The following CACNA1H variants were observed in gnomAD, a reference collection of about 807,000 sequenced individuals.
CACNA1H encodes calcium voltage-gated channel subunit alpha1 H, also known as voltage-dependent T-type calcium channel subunit alpha-1H.
In CACNA1H, 149 loss-of-function variants were observed where a neutral mutation model predicts 192.5. That is an observed-to-expected ratio of 0.77 (90% CI 0.68 to 0.89). The LOEUF (loss-of-function observed/expected upper bound fraction) is 0.89, where lower values mean the gene tolerates loss of function less well. Ranked by LOEUF, CACNA1H falls within the 40% of genes least tolerant of loss-of-function variation. CACNA1H has a pLI of 0.00. For missense variants in CACNA1H, 4,257 were observed against 3,423.5 expected (o/e 1.24, Z -6.08); for synonymous variants, 2,202 against 1,475.2 (o/e 1.49, Z -11.29).
At chr16:1,206,909 T>TG in intron 12 of CACNA1H, 92 bp from the exon 13 acceptor site, 2 of 116,612 alleles carry the variant, frequency 1.7e-5, no homozygotes, top group Non-Finnish European at 3.3e-5. Context: ...GTCCTGCCCC[T>TG]CCCTCCTCCC....
chr16:1,218,631 A>G lies in CACNA1H; in HGVS notation c.5867A>G (p.Tyr1956Cys). Residue 1956 changes from tyrosine (Y) to cysteine (C), a missense_variant, in exon 33 of 35, where the codon TAT becomes TGT. Physicochemically the swap from Tyr to Cys is radical, Grantham distance 194. Transcript: ENST00000348261. ...CTGCAGGAGGTGGAGATGGAGACCT[A>G]TGGGGCCGGCACCCCCTTGGGTATG... ...RPLQEVEMET[Y>C]GAGTPLGSVA... 1 of 1,531,772 alleles carries G rather than the reference A, an allele frequency of 6.5e-7. No homozygotes were observed. Among genetic ancestry groups the G allele is most frequent in the Non-Finnish European group, 8.8e-7 (1 of 1,134,706 alleles). The allele number at this position is 1,531,772 out of a possible 1,614,324, so 94.9% of individuals were successfully genotyped here. A position where few individuals can be genotyped will look rare whatever the true frequency, so the allele number is the denominator to read the frequency against.
At chr16:1,168,172 G>C (rs1193952350) in intron 2 of CACNA1H, among the ~76,000 whole-genome samples, 1 of 151,538 alleles carries the variant, frequency 6.6e-6, no homozygotes, top group South Asian at 2.1e-4. Context: ...GCCCCCTCCA[G>C]TTGGGGCGGT....
At chr16:1,173,354 C>T (rs1363525764) in intron 2 of CACNA1H, among the ~76,000 whole-genome samples, 1 of 152,150 alleles carries the variant, frequency 6.6e-6, no homozygotes, top group Non-Finnish European at 1.5e-5. Context: ...TGGGATGAGG[C>T]GTGCTCCCCC....
intron 2 of CACNA1H, among the ~76,000 whole-genome samples, chr16:1,177,419 C>A (rs558962698): frequency 6.6e-6 from 1 of 152,354 alleles, no homozygotes; most frequent in East Asian, 1.9e-4. Context: ...CCGAGGCCCA[C>A]CCTGCCGTCG....
intron 2 of CACNA1H, among the ~76,000 whole-genome samples, chr16:1,158,857 A>C: frequency 6.9e-6 from 1 of 145,918 alleles, no homozygotes; most frequent in African/African-American, 2.7e-5. Flanking sequence ...GGCCCCGCTC[A>C]GCCCGCACCC....
rs1317344501 is a variant in CACNA1H, at chr16:1,218,636, G to A, written c.5872G>A (p.Ala1958Thr). ...LQEVEMETYG[A>T]GTPLGSVASV... ...GGAGGTGGAGATGGAGACCTATGGG[G>A]CCGGCACCCCCTTGGGTATGGTAGC... Residue 1958 changes from alanine to threonine, a missense_variant, in exon 33 of 35, where the codon GCC becomes ACC. Ala to Thr is a moderately conservative substitution (Grantham distance 58). Transcript: ENST00000348261. 1 of 1,550,910 alleles carries A rather than the reference G, an allele frequency of 6.4e-7. No homozygotes were observed. Among genetic ancestry groups the A allele is most frequent in the Non-Finnish European group, 8.7e-7 (1 of 1,146,066 alleles).
chr16:1,193,689 G>A (rs528507937), intron 2 of CACNA1H, among the ~76,000 whole-genome samples: 2 of 152,324 alleles, frequency 1.3e-5, no homozygotes, highest in South Asian at 2.1e-4. Context: ...TGTAATTACC[G>A]CACTCTTGGT....
rs1338001642 is a variant in CACNA1H at position 1,167,250 on chromosome 16, G to A, written c.299+13214G>A. On this transcript the variant is annotated intron_variant, in intron 2 of 34. Transcript: ENST00000348261. The surrounding 1 kb of genome is among the most constrained non-coding windows in gnomAD (Gnocchi z 4.2). ...GGGGCCTGTGGGGTATGGGCCTCCT[G>A]TCAGCAGCCCGTCCCGGTGGGTGGG... is the stretch of plus-strand genomic sequence containing the variant. Among the ~76,000 whole-genome samples, 1 of 152,188 alleles carries A rather than the reference G, an allele frequency of 6.6e-6. No individual in the cohort carries two copies. Among genetic ancestry groups the A allele is most frequent in the Non-Finnish European group, 1.5e-5 (1 of 68,032 alleles).
At chr16:1,214,398 C>T (rs552318888) in intron 27 of CACNA1H, among the ~76,000 whole-genome samples, 6 of 152,320 alleles carry the variant, frequency 3.9e-5, no homozygotes, top group South Asian at 2.1e-4. Flanking sequence ...CTATGGAAAG[C>T]GTTTTGTGTG....
At chr16:1,206,688 T>C (rs890161007) in intron 12 of CACNA1H, 1 of 455,534 alleles carries the variant, frequency 2.2e-6, no homozygotes, top group East Asian at 4.1e-5. Context: ...GCTTTCACAG[T>C]CCAGAGAGGC....
intron 2 of CACNA1H, among the ~76,000 whole-genome samples, chr16:1,186,748 G>C (rs78589597): frequency 7.2e-5 from 11 of 152,164 alleles, no homozygotes; most frequent in African/African-American, 2.7e-4. Context: ...CCTGGCCGGT[G>C]AATGTGCCAC....
At chr16:1,183,856 T>A (rs867612289) in intron 2 of CACNA1H, among the ~76,000 whole-genome samples, 4 of 152,240 alleles carry the variant, frequency 2.6e-5, no homozygotes, top group Non-Finnish European at 4.4e-5. Context: ...TCTGCAAACA[T>A]CTGGCTCCAG....
chr16:1,155,708 G>T (rs1962266762), intron 2 of CACNA1H, among the ~76,000 whole-genome samples: 1 of 152,212 alleles, frequency 6.6e-6, no homozygotes, highest in South Asian at 2.1e-4. Flanking sequence ...TCTCGGCTGA[G>T]AGAGTTTTGG....
intron 11 of CACNA1H, among the ~76,000 whole-genome samples, chr16:1,205,756 C>A (rs560864018): frequency 3.8e-4 from 58 of 152,294 alleles, no homozygotes; most frequent in Non-Finnish European, 7.2e-4. Flanking sequence ...GGTCTCCCAT[C>A]CTGGGGCGGG....
chr16:1,193,545 G>A (rs1361964130), intron 2 of CACNA1H, among the ~76,000 whole-genome samples: 2 of 152,268 alleles, frequency 1.3e-5, no homozygotes, highest in Non-Finnish European at 2.9e-5. Flanking sequence ...GCGGCAGTGC[G>A]TGCTGTGGCC....
At position 1,210,353 on chromosome 16, in the gene CACNA1H, CGCCCCCG is replaced by C; in HGVS notation, c.3846-16_3846-10del. ...ACGCCGCCCCGCCCCACCTCTCACC[CGCCCCCG>C]CCCACCCAGGTTCCGCGTCTCCTGC... is the stretch of plus-strand genomic sequence containing the variant. On this transcript the variant is annotated splice_polypyrimidine_tract_variant and intron_variant, in intron 18 of 34. Coordinates refer to ENST00000348261, the MANE Select transcript of CACNA1H (RefSeq NM_021098.3). The C allele has an allele frequency of 3.1e-6, 4 of 1,276,640 alleles. No individual in the cohort carries two copies. Among genetic ancestry groups the C allele is most frequent in the Non-Finnish European group, 3.2e-6 (3 of 929,062 alleles). 79.1% of individuals were successfully genotyped at this position (1,276,640 alleles called of 1,614,324 possible). A position where few individuals can be genotyped will look rare whatever the true frequency, so the allele number is the denominator to read the frequency against.
rs555890424 is a variant in CACNA1H at position 1,209,241 on chromosome 16, C to T, written c.3573C>T (p.Thr1191=). The T allele has an allele frequency of 6.5e-5, 100 of 1,545,566 alleles. 1 individual carries two copies. In the South Asian group the frequency reaches 9.7e-4, roughly 15 times the overall value. ...DGRAAPGPRA[T]PLRRAESLDP... ...GGGCCGCGCCCGGGCCCCGTGCCACCCCACTGCGGCGGGCCGAGTCCCTGG... is the reference window on the plus strand; with the variant it reads ...GGGCCGCGCCCGGGCCCCGTGCCACTCCACTGCGGCGGGCCGAGTCCCTGG... Residue 1191 remains threonine (T), a synonymous_variant, in exon 17 of 35, where the codon ACC becomes ACT. Transcript: ENST00000348261.
intron 2 of CACNA1H, among the ~76,000 whole-genome samples, chr16:1,183,727 G>C (rs1219609715): frequency 1.3e-5 from 2 of 152,254 alleles, no homozygotes; most frequent in Admixed American, 1.3e-4. Flanking sequence ...TGTGAGGCTG[G>C]GGGGCGGCCC....
chr16:1,153,901 C>T lies in CACNA1H; in HGVS notation c.164C>T (p.Ala55Val). Residue 55 changes from alanine to valine, a missense_variant, in exon 2 of 35, where the codon GCG becomes GTG. By Grantham distance (64) the Ala-to-Val change is moderately conservative. Coordinates refer to ENST00000348261, the MANE Select transcript of CACNA1H (RefSeq NM_021098.3). ...GGCGTGTCACCCTCCGAGAGCCCGG[C>T]GGCCGAGCGCGGCGCGGAGCTGGGT... ...ELGVSPSESP[A>V]AERGAELGAD... The T allele has an allele frequency of 1.4e-6, 2 of 1,451,174 alleles. No homozygotes were observed. Among genetic ancestry groups the T allele is most frequent in the Non-Finnish European group, 1.8e-6 (2 of 1,102,536 alleles). The allele number at this position is 1,451,174 out of a possible 1,614,324, so 89.9% of individuals were successfully genotyped here. A position where few individuals can be genotyped will look rare whatever the true frequency, so the allele number is the denominator to read the frequency against.
Sources: allele counts gnomAD v4.1 joint callset (sites outside exome capture counted in the v4.1 genomes callset), GRCh38; gene constraint gnomAD v4.1.1; non-coding constraint Gnocchi (gnomAD v3.1); transcripts MANE v1.5; gene names NCBI Gene and HGNC (gene_info 2026-07-23, HGNC 2026-07-21).